Variants in MSL2 observed in about 807,000 individuals in gnomAD.
MSL2 encodes E3 ubiquitin-protein ligase MSL2.
MSL2 carries 2 observed loss-of-function variants against 35.8 expected under a neutral mutation model. That is an observed-to-expected ratio of 0.06 (90% CI 0.02 to 0.18). The LOEUF is 0.18. Ranked by LOEUF, MSL2 falls within the 10% of genes least tolerant of loss-of-function variation. MSL2 has a pLI of 1.00. For missense variants in MSL2, 523 were observed against 706.7 expected, an observed-to-expected ratio of 0.74 and a Z score of 2.95; for synonymous variants, 296 against 255.7, an observed-to-expected ratio of 1.16 and a Z score of -1.50.
chr3:136,155,575 G>A (rs191897348), intron 1 of MSL2: 50 of 297,552 alleles, frequency 1.7e-4, no homozygotes, highest in African/African-American at 1.1e-3. Flanking sequence ...CTGGCCTTCA[G>A]AGATGACAGC....
chr3:136,151,219 C>T lies in MSL2; in HGVS notation c.1662G>A (p.Thr554=), dbSNP rs754956977. ...SVINVTGSPV[T]TFLAASTHDD... is the part of the protein sequence containing the mutation. ...CATGTGTACTGGCAGCTAAAAACGT[C>T]GTTACTGGGGACCCTGTGACATTTA... Residue 554 remains threonine (T), a synonymous_variant, in exon 2 of 2, where the codon ACG becomes ACA. Transcript: ENST00000309993. The surrounding 1 kb of genome is among the most constrained non-coding windows in gnomAD (Gnocchi z 5.2). 24 of 1,614,178 alleles carry T rather than the reference C, an allele frequency of 1.5e-5. No individual in the cohort carries two copies. Among genetic ancestry groups the T allele is most frequent in the East Asian group, 8.9e-5 (4 of 44,886 alleles).
intron 1 of MSL2, 127 bp downstream of exon 1, chr3:136,194,845 C>G (rs948567940): frequency 4.9e-6 from 7 of 1,416,424 alleles, no homozygotes; most frequent in Middle Eastern, 1.8e-4. Context: ...AACTAATGAC[C>G]GTACAGCGCT....
chr3:136,153,076 G>T (rs956091705), intron 1 of MSL2: 1 of 984,926 alleles, frequency 1.0e-6, no homozygotes, highest in Admixed American at 6.2e-5. Context: ...ACAAACTAGG[G>T]TTAAAACCCT....
chr3:136,158,540 A>G (rs866291565), intron 1 of MSL2, among the ~76,000 whole-genome samples: 4 of 152,294 alleles, frequency 2.6e-5, no homozygotes, highest in Middle Eastern at 3.4e-3. Flanking sequence ...CTTTCCTTCC[A>G]AAGATCAGGA....
At chr3:136,194,580 GC>G in intron 1 of MSL2, 1 of 354,598 alleles carries the variant, frequency 2.8e-6, no homozygotes, top group Non-Finnish European at 4.1e-6. Context: ...CGCCACATGT[GC>G]CCACATGTGC....
chr3:136,169,191 A>T (rs1054424759), intron 1 of MSL2, among the ~76,000 whole-genome samples: 3 of 112,262 alleles, frequency 2.7e-5, no homozygotes, highest in South Asian at 3.2e-4. Context: ...TCTTTCCTGT[A>T]CCATGGGGGC....
intron 1 of MSL2, among the ~76,000 whole-genome samples, chr3:136,188,593 T>C (rs755727652): frequency 5.3e-5 from 8 of 151,570 alleles, no homozygotes; most frequent in Non-Finnish European, 5.9e-5. Context: ...CTACAAAATA[T>C]CTGAAATTTA....
chr3:136,182,597 T>C lies in MSL2; in HGVS notation c.142+12375A>G, dbSNP rs546817761. 4.6e-5 allele frequency among the ~76,000 whole-genome samples: 7 copies of C among 151,612 alleles called. 1 individual carries two copies. Among genetic ancestry groups the C allele is most frequent in the Admixed American group, 4.6e-4 (7 of 15,186 alleles). ...CTCCCCTGAATTGAGAAGCCAGAGC[T>C]GGAAGCCAAGGCAGCTGGACTTGTC... is the stretch of plus-strand genomic sequence containing the variant. On this transcript the variant is annotated intron_variant, in intron 1 of 1. Coordinates refer to ENST00000309993, the MANE Select transcript of MSL2 (RefSeq NM_018133.4).
chr3:136,195,956 G>A lies in MSL2; in HGVS notation c.-843C>T, dbSNP rs552668477. 8 of 358,836 alleles carry A rather than the reference G, an allele frequency of 2.2e-5. No individual in the cohort carries two copies. The highest frequency in any genetic ancestry group is 3.3e-4 in the East Asian group (2 of 6,038). The allele number at this position is 358,836 out of a possible 1,614,324, so 22.2% of individuals were successfully genotyped here. On this transcript the variant is annotated 5_prime_UTR_variant, in exon 1 of 2. Transcript: ENST00000309993. ...TCCGGGGTCACCAGACTCAAGCGCCGCCCCCTCACTGCCCGGCCATTTTTT... is the reference window on the plus strand; with the variant it reads ...TCCGGGGTCACCAGACTCAAGCGCCACCCCCTCACTGCCCGGCCATTTTTT...
At chr3:136,185,330 A>G (rs1355703992) in intron 1 of MSL2, among the ~76,000 whole-genome samples, 1 of 151,972 alleles carries the variant, frequency 6.6e-6, no homozygotes, top group Non-Finnish European at 1.5e-5. Context: ...TCTGGAAATC[A>G]AATTCATAGC....
chr3:136,175,161 T>A (rs766973537), intron 1 of MSL2, among the ~76,000 whole-genome samples: 5 of 151,960 alleles, frequency 3.3e-5, no homozygotes, highest in Admixed American at 2.6e-4. Context: ...CTGACCAACA[T>A]GGTGAAACCC....
intron 1 of MSL2, among the ~76,000 whole-genome samples, chr3:136,172,985 G>A (rs1467295516): frequency 1.3e-5 from 2 of 152,064 alleles, no homozygotes; most frequent in Admixed American, 6.6e-5. Context: ...CCAACATGGC[G>A]AAACCCTACC....
At chr3:136,193,958 A>G (rs1349166578) in intron 1 of MSL2, among the ~76,000 whole-genome samples, 1 of 152,150 alleles carries the variant, frequency 6.6e-6, no homozygotes, top group East Asian at 1.9e-4. Flanking sequence ...AATGAATATT[A>G]TTTCTCCCTT....
At chr3:136,158,716 C>A (rs1559958929) in intron 1 of MSL2, among the ~76,000 whole-genome samples, 1 of 152,114 alleles carries the variant, frequency 6.6e-6, no homozygotes. Context: ...CAGAAAATCT[C>A]AAAAAACGCA....
intron 1 of MSL2, among the ~76,000 whole-genome samples, chr3:136,190,508 G>A (rs907012903): frequency 6.7e-6 from 1 of 150,334 alleles, no homozygotes; most frequent in Non-Finnish European, 1.5e-5. Context: ...CTGCACCACT[G>A]CACTCCAGCC....
At chr3:136,194,015 A>T (rs1940763935) in intron 1 of MSL2, among the ~76,000 whole-genome samples, 1 of 151,394 alleles carries the variant, frequency 6.6e-6, no homozygotes, top group Admixed American at 6.6e-5. Flanking sequence ...TCTACTTTTA[A>T]ATAAAGTGGA....
rs185439041 is a variant in MSL2, at chr3:136,174,480, A to G, written c.142+20492T>C. Among the ~76,000 whole-genome samples, 202 of 152,362 alleles carry G rather than the reference A, an allele frequency of 1.3e-3. 1 individual carries two copies. The highest frequency in any genetic ancestry group is 2.6e-4 in the Non-Finnish European group (18 of 68,036). ...TGATTACAGAAACTGAGCAATAGGC[A>G]GAATAATTAGCCACAAGATATACAA... On this transcript the variant is annotated intron_variant, in intron 1 of 1. Transcript: ENST00000309993.
At chr3:136,194,698 C>T (rs1940786730) in intron 1 of MSL2, 1 of 424,898 alleles carries the variant, frequency 2.4e-6, no homozygotes, top group Non-Finnish European at 4.0e-6. Flanking sequence ...TGCATCTTAC[C>T]CCCACTTAAA....
intron 1 of MSL2, among the ~76,000 whole-genome samples, chr3:136,175,533 C>T (rs992026370): frequency 6.6e-6 from 1 of 151,250 alleles, no homozygotes; most frequent in Non-Finnish European, 1.5e-5. Flanking sequence ...GAAAAATAAA[C>T]AAAATTAGCC....
Sources: allele counts gnomAD v4.1 joint callset (sites outside exome capture counted in the v4.1 genomes callset), GRCh38; gene constraint gnomAD v4.1.1; non-coding constraint Gnocchi (gnomAD v3.1); transcripts MANE v1.5; gene names NCBI Gene and HGNC (gene_info 2026-07-23, HGNC 2026-07-21).